Variants in ADAMTS17 observed in about 807,000 individuals in gnomAD.
The protein encoded by ADAMTS17 is A disintegrin and metalloproteinase with thrombospondin motifs 17.
Under a neutral mutation model 141.5 loss-of-function variants are expected in ADAMTS17, and 113 were observed. That is an observed-to-expected ratio of 0.80 (90% CI 0.69 to 0.93). ADAMTS17 has a LOEUF of 0.93. Ranked by LOEUF, ADAMTS17 falls within the 40% of genes least tolerant of loss-of-function variation. The probability of loss-of-function intolerance (pLI) is 0.00; values close to 1 mark genes in which losing one functional copy is unlikely to be tolerated. For missense variants in ADAMTS17, 1,659 were observed against 1,517.9 expected (o/e 1.09, Z -1.54); for synonymous variants, 768 against 630.6 (o/e 1.22, Z -3.27).
In ADAMTS17 at chr15:99,997,468, A is replaced by G; in HGVS notation, c.2713T>C (p.Cys905Arg). Residue 905 changes from cysteine (C) to arginine (R), a missense_variant, in exon 19 of 22, where the codon TGC becomes CGC. Cys to Arg is a radical substitution (Grantham distance 180). Transcript: ENST00000268070. This position sits in a 1 kb window ranked among gnomAD's most constrained non-coding sequence, Gnocchi z 4.7. Reference protein sequence around the residue: ...GTHVATRPLYCPGPRPAAVQS... With the variant: ...GTHVATRPLYRPGPRPAAVQS... The stretch of plus-strand genomic sequence containing the variant: ...ACTGCCGCCGGCCGGGGGCCCGGGC[A>G]GTAGAGGGGCCGCGTAGCGACGTGT... The G allele has an allele frequency of 6.2e-7, 1 of 1,613,578 alleles. No individual in the cohort carries two copies. Among genetic ancestry groups the G allele is most frequent in the Non-Finnish European group, 8.5e-7 (1 of 1,179,968 alleles).
chr15:100,267,062 T>C (rs1011606304), intron 4 of ADAMTS17, among the ~76,000 whole-genome samples: 15 of 152,218 alleles, frequency 9.9e-5, no homozygotes, highest in African/African-American at 3.6e-4. Flanking sequence ...TTACCTGTAG[T>C]GTTAATTACG....
chr15:100,236,278 G>A (rs1346163931), intron 7 of ADAMTS17, among the ~76,000 whole-genome samples: 5 of 79,274 alleles, frequency 6.3e-5, no homozygotes, highest in South Asian at 4.2e-4. Context: ...TGTCACCCAC[G>A]ACATTAAAAA....
At chr15:100,072,762 T>C (rs1210114310) in intron 15 of ADAMTS17, among the ~76,000 whole-genome samples, 5 of 152,102 alleles carry the variant, frequency 3.3e-5, no homozygotes, top group African/African-American at 1.2e-4. Context: ...TAATTCAAGA[T>C]GGATTAAAGA....
In ADAMTS17 at chr15:100,141,237, C is replaced by T. The variant is rs144762033; in HGVS notation, c.1474-7922G>A. ...ATGCATCCCTGGAGCGCTGTGAAAA[C>T]GCGGGAAGGTTTGAGCTGCTCAGAT... On this transcript the variant is annotated intron_variant, in intron 10 of 21. Transcript: ENST00000268070. Among the ~76,000 whole-genome samples, 65 of 152,306 alleles carry T rather than the reference C, an allele frequency of 4.3e-4. 2 individuals carry two copies. The East Asian group carries it at 5.2e-3, about 12-fold the overall frequency.
chr15:100,090,872 G>A (rs562480934), intron 15 of ADAMTS17, among the ~76,000 whole-genome samples: 330 of 151,966 alleles, frequency 2.2e-3, no homozygotes, highest in Non-Finnish European at 3.8e-3. Context: ...GCCAGGTTTG[G>A]TGGTGCATGC....
intron 3 of ADAMTS17, among the ~76,000 whole-genome samples, chr15:100,318,855 G>C (rs949668839): frequency 6.6e-6 from 1 of 152,238 alleles, no homozygotes; most frequent in Non-Finnish European, 1.5e-5. Flanking sequence ...AATCTGGCCA[G>C]GACCCCAGAG....
intron 4 of ADAMTS17, among the ~76,000 whole-genome samples, chr15:100,277,314 C>T (rs2044132015): frequency 6.6e-6 from 1 of 152,052 alleles, no homozygotes; most frequent in African/African-American, 2.4e-5. Flanking sequence ...AAAACAGAGC[C>T]CTTCAGTCTT....
At chr15:100,090,832 C>T (rs866278109) in intron 15 of ADAMTS17, among the ~76,000 whole-genome samples, 17 of 149,924 alleles carry the variant, frequency 1.1e-4, no homozygotes, top group Middle Eastern at 6.8e-3. Flanking sequence ...ACGGTGAAAC[C>T]CCATCTCTAC....
intron 18 of ADAMTS17, among the ~76,000 whole-genome samples, chr15:100,000,370 A>T (rs1207873518): frequency 6.6e-6 from 1 of 152,174 alleles, no homozygotes; most frequent in Non-Finnish European, 1.5e-5. Flanking sequence ...TTTGTGTGGC[A>T]GATGTTCAAT....
Position 100,133,278 on chromosome 15 carries a change from C to A in ADAMTS17, c.1511G>T (p.Gly504Val). ...CAGCTTGGTCTTGCAGGATGTGTCT[C>A]CTTCTACCAGGCACCACAGTCCAGC... is the stretch of plus-strand genomic sequence containing the variant. ...MCAGLWCLVE[G>V]DTSCKTKLDP... The change falls in exon 11 of 22, where the codon GGA becomes GTA. Residue 504 changes from glycine (G) to valine (V), a missense_variant. Physicochemically the swap from Gly to Val is moderately radical, Grantham distance 109. Transcript: ENST00000268070. 1 of 1,597,632 alleles carries A rather than the reference C, an allele frequency of 6.3e-7. No individual in the cohort carries two copies. Among genetic ancestry groups the A allele is most frequent in the Non-Finnish European group, 8.5e-7 (1 of 1,170,630 alleles).
chr15:100,206,612 T>A (rs2041574979), intron 7 of ADAMTS17, among the ~76,000 whole-genome samples: 1 of 152,264 alleles, frequency 6.6e-6, no homozygotes, highest in South Asian at 2.1e-4. Flanking sequence ...GCCCTCCCTC[T>A]CCCTGGGGAA....
At chr15:100,112,588 G>A (rs1043346957) in intron 13 of ADAMTS17, among the ~76,000 whole-genome samples, 6 of 152,070 alleles carry the variant, frequency 3.9e-5, no homozygotes, top group Non-Finnish European at 8.8e-5. Flanking sequence ...GAGGTGGTGG[G>A]ATTCAGCTTT....
intron 7 of ADAMTS17, among the ~76,000 whole-genome samples, chr15:100,229,172 G>A (rs967434763): frequency 2.0e-5 from 3 of 152,170 alleles, no homozygotes; most frequent in African/African-American, 7.2e-5. Context: ...CACTGCAGGT[G>A]CTGAGGAGCC....
intron 7 of ADAMTS17, among the ~76,000 whole-genome samples, chr15:100,229,539 A>C (rs551286105): frequency 6.6e-6 from 1 of 152,224 alleles, no homozygotes; most frequent in African/African-American, 2.4e-5. Flanking sequence ...TTCTCTCTGG[A>C]CTGAGAACCA....
intron 14 of ADAMTS17, among the ~76,000 whole-genome samples, chr15:100,100,267 C>T (rs1183494823): frequency 2.0e-5 from 3 of 152,242 alleles, no homozygotes; most frequent in African/African-American, 7.2e-5. Flanking sequence ...CCTCCTCTTG[C>T]TTCTTCGACT....
chr15:100,299,455 G>A (rs998462152), intron 3 of ADAMTS17, among the ~76,000 whole-genome samples: 15 of 149,828 alleles, frequency 1.0e-4, no homozygotes, highest in Middle Eastern at 7.2e-3. Context: ...GTCTACTGCT[G>A]AAAGATTACA....
At chr15:100,193,210 G>T (rs2040983781) in intron 8 of ADAMTS17, among the ~76,000 whole-genome samples, 1 of 152,234 alleles carries the variant, frequency 6.6e-6, no homozygotes, top group South Asian at 2.1e-4. Flanking sequence ...TTATTCCAGT[G>T]GCTCCACCAC....
At chr15:100,161,762 GA>G (rs1470140312) in intron 8 of ADAMTS17, among the ~76,000 whole-genome samples, 2 of 152,184 alleles carry the variant, frequency 1.3e-5, no homozygotes, top group African/African-American at 4.8e-5. Flanking sequence ...GCCACTAGGG[GA>G]TAACAGGCTG....
At chr15:100,187,222 G>GT (rs2040751091) in intron 8 of ADAMTS17, among the ~76,000 whole-genome samples, 1 of 152,228 alleles carries the variant, frequency 6.6e-6, no homozygotes, top group Non-Finnish European at 1.5e-5. Flanking sequence ...AGAGCAGGCA[G>GT]TATCTGTCAG....
Sources: allele counts gnomAD v4.1 joint callset (sites outside exome capture counted in the v4.1 genomes callset), GRCh38; gene constraint gnomAD v4.1.1; non-coding constraint Gnocchi (gnomAD v3.1); transcripts MANE v1.5; gene names NCBI Gene and HGNC (gene_info 2026-07-23, HGNC 2026-07-21).